Variants in PRDM16 observed in about 807,000 individuals in gnomAD.
PRDM16 encodes PR/SET domain 16, also known as histone-lysine N-methyltransferase PRDM16.
Under a neutral mutation model 110.6 loss-of-function variants are expected in PRDM16, and 23 were observed. The ratio of observed to expected loss-of-function variants is 0.21; its 90% CI spans 0.15 to 0.29. The LOEUF is 0.29. Among genes scored for constraint, PRDM16 ranks in the 10% least tolerant of loss-of-function variants. The pLI is 1.00. For synonymous variants in PRDM16, 799 were observed against 781.8 expected (o/e 1.02, Z -0.37); for missense variants, 1,615 against 1,794.3 (o/e 0.90, Z 1.81).
At chr1:3,369,070 G>A (rs1642866443) in intron 3 of PRDM16, among the ~76,000 whole-genome samples, 1 of 152,184 alleles carries the variant, frequency 6.6e-6, no homozygotes, top group African/African-American at 2.4e-5. Context: ...GAACGTGGCT[G>A]GTGAGGACCT....
chr1:3,405,343 A>G (rs1280656525), intron 7 of PRDM16, 152 bp from the exon 8 acceptor site: 3 of 842,424 alleles, frequency 3.6e-6, no homozygotes, highest in East Asian at 2.9e-5. Context: ...CTTGCTACAC[A>G]GAGACCTGTC....
At position 3,411,364 on chromosome 1, in the gene PRDM16, G is replaced by C. The variant is rs761399450; in HGVS notation, c.1187-20G>C. ...CGGTCATTTCATGCGGGTTTGTCTT[G>C]GCTTCTGCTGATGTTTTAGGTGAGG... On this transcript the variant is annotated intron_variant, in intron 8 of 16. Transcript: ENST00000270722. 6.3e-7 allele frequency: 1 copy of C among 1,590,660 alleles called. No homozygotes were observed. Among genetic ancestry groups the C allele is most frequent in the South Asian group, 1.1e-5 (1 of 89,822 alleles).
chr1:3,389,301 G>A (rs915933080), intron 4 of PRDM16, among the ~76,000 whole-genome samples: 7 of 152,216 alleles, frequency 4.6e-5, no homozygotes, highest in African/African-American at 1.2e-4. Flanking sequence ...CTAAGCTGAG[G>A]GAGGCATGGA....
intron 3 of PRDM16, among the ~76,000 whole-genome samples, chr1:3,352,476 C>A (rs993537535): frequency 6.6e-6 from 1 of 152,208 alleles, no homozygotes; most frequent in Non-Finnish European, 1.5e-5. Flanking sequence ...GTAGCATTTC[C>A]GCCCTCCGCT....
intron 2 of PRDM16, among the ~76,000 whole-genome samples, chr1:3,195,033 G>T (rs528662700): frequency 1.3e-5 from 2 of 152,232 alleles, no homozygotes; most frequent in East Asian, 3.8e-4. Context: ...AACCGTGAGC[G>T]CACCGGCCAG....
intron 3 of PRDM16, among the ~76,000 whole-genome samples, chr1:3,354,931 C>A (rs1438532412): frequency 6.6e-6 from 1 of 152,174 alleles, no homozygotes; most frequent in African/African-American, 2.4e-5. Flanking sequence ...AGGTCTGCAC[C>A]TGCTGAAGGG....
intron 1 of PRDM16, among the ~76,000 whole-genome samples, chr1:3,177,787 C>T (rs1356956563): frequency 1.3e-5 from 2 of 152,256 alleles, no homozygotes; most frequent in Non-Finnish European, 2.9e-5. Context: ...GAAGTTTTGC[C>T]TCCCTTTGTA....
intron 6 of PRDM16, 99 bp downstream of exon 6, chr1:3,403,097 T>A: frequency 1.0e-6 from 1 of 988,686 alleles, no homozygotes; most frequent in South Asian, 1.6e-5. Flanking sequence ...TCCCCTCCCT[T>A]CCCCCGCCTC....
intron 3 of PRDM16, among the ~76,000 whole-genome samples, chr1:3,364,121 A>G (rs1460578229): frequency 6.6e-6 from 1 of 152,132 alleles, no homozygotes; most frequent in Non-Finnish European, 1.5e-5. Flanking sequence ...CCTGCTACGC[A>G]GCCTCAGTCC....
intron 3 of PRDM16, among the ~76,000 whole-genome samples, chr1:3,326,815 C>T (rs1173601900): frequency 1.3e-5 from 2 of 152,184 alleles, no homozygotes; most frequent in South Asian, 2.1e-4. Context: ...AGGGGGAGGC[C>T]GCTTTGTCTC....
At position 3,382,091 on chromosome 1, in the gene PRDM16, T is replaced by TGC. The variant is rs1310951951; in HGVS notation, c.439-3058_439-3057dup. ...GCGGGCCTTTCCAGCGGTTTCCTGC[T>TGC]GCGCATCAGCAGTCAGGGTGGGAGG... On this transcript the variant is annotated intron_variant, in intron 3 of 16. Coordinates refer to ENST00000270722, the MANE Select transcript of PRDM16 (RefSeq NM_022114.4). This position sits in a 1 kb window ranked among gnomAD's most constrained non-coding sequence, Gnocchi z 6.6. Among the ~76,000 whole-genome samples, 11 of 152,228 alleles carry TGC rather than the reference T, an allele frequency of 7.2e-5. No homozygotes were observed. Among genetic ancestry groups the TGC allele is most frequent in the Non-Finnish European group, 1.6e-4 (11 of 68,032 alleles).
chr1:3,121,746 G>A (rs1379828049), intron 1 of PRDM16, among the ~76,000 whole-genome samples: 1 of 152,226 alleles, frequency 6.6e-6, no homozygotes, highest in Non-Finnish European at 1.5e-5. Flanking sequence ...CCTCCACCTC[G>A]GCTGCGCGCT....
At position 3,259,265 on chromosome 1, in the gene PRDM16, C is replaced by T. The variant is rs574815681; in HGVS notation, c.438+15128C>T. On this transcript the variant is annotated intron_variant, in intron 3 of 16. Transcript: ENST00000270722. ...GGCAGGCGCCGGAAGCAGAAGATCCCAGGGATTCCCTCCAGGGGCTGCAGC... is the reference window on the plus strand; with the variant it reads ...GGCAGGCGCCGGAAGCAGAAGATCCTAGGGATTCCCTCCAGGGGCTGCAGC... Among the ~76,000 whole-genome samples the T allele has an allele frequency of 6.6e-5, 10 of 152,312 alleles. No homozygotes were observed. The South Asian group carries it at 1.9e-3, about 28-fold the overall frequency.
intron 1 of PRDM16, among the ~76,000 whole-genome samples, chr1:3,183,606 A>T (rs1023613107): frequency 6.6e-6 from 1 of 152,196 alleles, no homozygotes; most frequent in African/African-American, 2.4e-5. Flanking sequence ...CGGGGGCCCA[A>T]TGCACAGGCC....
intron 3 of PRDM16, among the ~76,000 whole-genome samples, chr1:3,377,264 C>T (rs116452823): frequency 0.016 from 2,427 of 152,220 alleles, 44 homozygotes; most frequent in African/African-American, 0.043. Flanking sequence ...CAGCAGGAGA[C>T]GGGACCGAGA....
intron 2 of PRDM16, among the ~76,000 whole-genome samples, chr1:3,214,929 T>C (rs1638984523): frequency 1.3e-5 from 2 of 152,202 alleles, no homozygotes; most frequent in African/African-American, 4.8e-5. Context: ...TGTGATACCC[T>C]GGGCATCGTC....
rs552910286 is a variant in PRDM16 at position 3,087,127 on chromosome 1, G to A, written c.37+17831G>A. ...GTTCCTTTGGAGGTGAAGGGTTAAC[G>A]TGAGGATTCTTTCAGAAGAGGCAGC... On this transcript the variant is annotated intron_variant, in intron 1 of 16. Coordinates refer to ENST00000270722, the MANE Select transcript of PRDM16 (RefSeq NM_022114.4). Among the ~76,000 whole-genome samples, 24 of 152,194 alleles carry A rather than the reference G, an allele frequency of 1.6e-4. No individual in the cohort carries two copies. The South Asian group carries it at 3.7e-3, about 24-fold the overall frequency.
At chr1:3,114,565 A>T (rs963601914) in intron 1 of PRDM16, among the ~76,000 whole-genome samples, 5 of 150,966 alleles carry the variant, frequency 3.3e-5, no homozygotes, top group African/African-American at 1.2e-4. Flanking sequence ...TGCACAAACA[A>T]GCACACACTT....
rs1333679443 is a variant in PRDM16, at chr1:3,290,073, G to T, written c.438+45936G>T. Among the ~76,000 whole-genome samples, 1 of 152,156 alleles carries T rather than the reference G, an allele frequency of 6.6e-6. No individual in the cohort carries two copies. Among genetic ancestry groups the T allele is most frequent in the East Asian group, 1.9e-4 (1 of 5,180 alleles). On this transcript the variant is annotated intron_variant, in intron 3 of 16. Coordinates refer to ENST00000270722, the MANE Select transcript of PRDM16 (RefSeq NM_022114.4). This position sits in a 1 kb window ranked among gnomAD's most constrained non-coding sequence, Gnocchi z 4.8. The stretch of plus-strand genomic sequence containing the variant: ...GGTTTCTGGCTTTAAAAGTGTGCTC[G>T]TGAGCGCAGGGTGTTTTTCCTGAAT...
Sources: allele counts gnomAD v4.1 joint callset (sites outside exome capture counted in the v4.1 genomes callset), GRCh38; gene constraint gnomAD v4.1.1; non-coding constraint Gnocchi (gnomAD v3.1); transcripts MANE v1.5; gene names NCBI Gene and HGNC (gene_info 2026-07-23, HGNC 2026-07-21).